Variants in SUGCT observed in about 807,000 individuals in gnomAD.
SUGCT encodes the protein succinyl-CoA:glutarate CoA-transferase.
Under a neutral mutation model 55.0 loss-of-function variants are expected in SUGCT, and 41 were observed. The observed-to-expected ratio is 0.74, with a 90% CI of 0.58 to 0.97. The LOEUF (loss-of-function observed/expected upper bound fraction) is 0.97. SUGCT is among the 50% of genes least tolerant of loss of function. The pLI, the probability that SUGCT is intolerant of heterozygous loss-of-function variation, is 0.00. For synonymous variants in SUGCT, 187 were observed against 200.4 expected, an observed-to-expected ratio of 0.93 and a Z score of 0.56; for missense variants, 568 against 547.8, an observed-to-expected ratio of 1.04 and a Z score of -0.37.
At chr7:40,739,198 G>A (rs1265256778) in intron 12 of SUGCT, among the ~76,000 whole-genome samples, 3 of 152,028 alleles carry the variant, frequency 2.0e-5, no homozygotes, top group Non-Finnish European at 4.4e-5. Context: ...CCATCACCAC[G>A]AAAATCTCTC....
At chr7:40,446,378 G>A (rs576770306) in intron 9 of SUGCT, among the ~76,000 whole-genome samples, 6 of 152,194 alleles carry the variant, frequency 3.9e-5, no homozygotes, top group African/African-American at 1.4e-4. Context: ...AACAACCTGT[G>A]TAACTTCACA....
At chr7:40,549,867 G>C (rs1021105352) in intron 12 of SUGCT, among the ~76,000 whole-genome samples, 7 of 152,210 alleles carry the variant, frequency 4.6e-5, no homozygotes, top group Admixed American at 3.9e-4. Context: ...CTCGGGGTCA[G>C]ATTCTGAGGA....
At chr7:40,512,185 C>T (rs889748630) in intron 12 of SUGCT, among the ~76,000 whole-genome samples, 3 of 152,132 alleles carry the variant, frequency 2.0e-5, no homozygotes, top group Non-Finnish European at 2.9e-5. Flanking sequence ...TGGTGTATCA[C>T]CAAAATTGGT....
intron 12 of SUGCT, among the ~76,000 whole-genome samples, chr7:40,573,177 G>A (rs770070228): frequency 3.9e-5 from 6 of 152,132 alleles, no homozygotes; most frequent in Admixed American, 1.3e-4. Context: ...CTGGGCCCCT[G>A]GCTTTGACAG....
intron 12 of SUGCT, among the ~76,000 whole-genome samples, chr7:40,624,182 C>T (rs550892861): frequency 1.3e-5 from 2 of 152,292 alleles, no homozygotes; most frequent in African/African-American, 4.8e-5. Flanking sequence ...CCACATGGGG[C>T]TGAGACAGAG....
Position 40,575,079 on chromosome 7 carries a change from C to G in SUGCT, c.1089+78693C>G, listed in dbSNP as rs182012900. 1.4e-3 allele frequency among the ~76,000 whole-genome samples: 196 copies of G among 142,244 alleles called. 3 individuals are homozygous for G. Among genetic ancestry groups the G allele is most frequent in the African/African-American group, 5.1e-3 (188 of 36,636 alleles). The allele number at this position is 142,244 out of a possible 152,430, so 93.3% of individuals were successfully genotyped here. A position where few individuals can be genotyped will look rare whatever the true frequency, so the allele number is the denominator to read the frequency against. Reference sequence around the variant, plus strand: ...GCAGATTTTTTTCAGTATGCCTATACTTCAACAAGATAGAAGCAGGATGGT... The same window carrying G: ...GCAGATTTTTTTCAGTATGCCTATAGTTCAACAAGATAGAAGCAGGATGGT... On this transcript the variant is annotated intron_variant, in intron 12 of 13. Coordinates refer to ENST00000335693, the MANE Select transcript of SUGCT (RefSeq NM_001193313.2).
chr7:40,641,348 T>G (rs946911273), intron 12 of SUGCT, among the ~76,000 whole-genome samples: 1 of 152,148 alleles, frequency 6.6e-6, no homozygotes, highest in Non-Finnish European at 1.5e-5. Flanking sequence ...CGAAAAAATA[T>G]GAAGATCATT....
At chr7:40,251,011 G>C (rs1790353376) in intron 7 of SUGCT, among the ~76,000 whole-genome samples, 1 of 151,480 alleles carries the variant, frequency 6.6e-6, no homozygotes, top group Non-Finnish European at 1.5e-5. Context: ...TTTTGTTTTA[G>C]TGGAGACGGG....
At chr7:40,318,084 G>A (rs556165279) in intron 9 of SUGCT, among the ~76,000 whole-genome samples, 6 of 152,270 alleles carry the variant, frequency 3.9e-5, no homozygotes, top group South Asian at 2.1e-4. Flanking sequence ...TTTCACAGAC[G>A]TCATTACATT....
chr7:40,651,261 C>T (rs1800764764), intron 12 of SUGCT, among the ~76,000 whole-genome samples: 1 of 152,160 alleles, frequency 6.6e-6, no homozygotes, highest in African/African-American at 2.4e-5. Context: ...TCTGTTGTTT[C>T]TTGGCTTCTT....
At chr7:40,984,388 T>G in the SUGCT span, among the ~76,000 whole-genome samples, 2 of 151,742 alleles carry the variant, frequency 1.3e-5, no homozygotes, top group African/African-American at 4.9e-5. Context: ...GGATATTTTT[T>G]ATAGGCAAAA....
At chr7:40,249,346 T>TATATATATAA (rs1219733878) in intron 7 of SUGCT, among the ~76,000 whole-genome samples, 3 of 129,830 alleles carry the variant, frequency 2.3e-5, no homozygotes, top group African/African-American at 9.2e-5. Flanking sequence ...TATATATATA[T>TATATATATAA]AATTATATTA....
At chr7:40,845,057 TA>T (rs776283880) in intron 13 of SUGCT, among the ~76,000 whole-genome samples, 5 of 151,752 alleles carry the variant, frequency 3.3e-5, no homozygotes, top group Non-Finnish European at 5.9e-5. Flanking sequence ...TTTGGTGGTT[TA>T]TTTTTTATTT....
chr7:40,407,394 T>C (rs1274891233), intron 9 of SUGCT, among the ~76,000 whole-genome samples: 2 of 152,006 alleles, frequency 1.3e-5, no homozygotes, highest in Non-Finnish European at 2.9e-5. Context: ...TATCTGAAAT[T>C]AATGTAAATA....
intron 1 of SUGCT, among the ~76,000 whole-genome samples, chr7:40,178,550 GT>G (rs34725239): frequency 5.4e-5 from 8 of 147,936 alleles, no homozygotes; most frequent in East Asian, 3.9e-4. Flanking sequence ...AATTTTAAGG[GT>G]TTTTTTTTTG....
At chr7:40,245,404 C>CACATATATATATATATATATATAT (rs1252155153) in intron 7 of SUGCT, among the ~76,000 whole-genome samples, 16 of 53,308 alleles carry the variant, frequency 3.0e-4, no homozygotes, top group African/African-American at 1.4e-3. Context: ...ACGTAGTAGA[C>CACATATATATATATATATATATAT]ATATATATAT....
intron 12 of SUGCT, among the ~76,000 whole-genome samples, chr7:40,500,516 T>G (rs1479995589): frequency 6.6e-6 from 1 of 152,182 alleles, no homozygotes; most frequent in Non-Finnish European, 1.5e-5. Context: ...CAAAATTAAT[T>G]TAACATTTTC....
In SUGCT at chr7:40,702,643, G is replaced by C. The variant is rs139496393; in HGVS notation, c.1090-46791G>C. The stretch of plus-strand genomic sequence containing the variant: ...TCTCTGCTTTAGGGGTCGACCTACT[G>C]TAAAGCTACTTTCAGTTTCATAGTG... On this transcript the variant is annotated intron_variant, in intron 12 of 13. Coordinates refer to ENST00000335693, the MANE Select transcript of SUGCT (RefSeq NM_001193313.2). 2.4e-3 allele frequency among the ~76,000 whole-genome samples: 359 copies of C among 152,306 alleles called. 1 individual carries two copies. Among genetic ancestry groups the C allele is most frequent in the African/African-American group, 7.9e-3 (327 of 41,556 alleles).
the SUGCT span, among the ~76,000 whole-genome samples, chr7:41,006,319 G>C: frequency 6.6e-6 from 1 of 152,166 alleles, no homozygotes; most frequent in Admixed American, 6.5e-5. Flanking sequence ...TCAACCAGGG[G>C]CTGGACTCCA....
Sources: gnomAD v4.1 joint callset for allele counts (sites outside exome capture counted in the v4.1 genomes callset) on GRCh38, gnomAD v4.1.1 for gene constraint, MANE v1.5 for transcripts, NCBI Gene and HGNC (gene_info 2026-07-23, HGNC 2026-07-21) for gene names.